MCM5: variants seen among roughly 807,000 people sequenced by gnomAD.
MCM5 encodes minichromosome maintenance complex component 5.
MCM5 carries 46 observed loss-of-function variants against 79.9 expected under a neutral mutation model. The ratio of observed to expected loss-of-function variants is 0.58; its 90% CI spans 0.45 to 0.74. The LOEUF is 0.74. Ranked by LOEUF, MCM5 falls within the 30% of genes least tolerant of loss-of-function variation. The probability of loss-of-function intolerance (pLI) is 0.00; values close to 1 mark genes in which losing one functional copy is unlikely to be tolerated. For missense variants in MCM5, 883 were observed against 1,017.0 expected (o/e 0.87, Z 1.79); for synonymous variants, 404 against 390.5 (o/e 1.03, Z -0.41).
chr22:35,434,271 G>A, the MCM5 span, among the ~76,000 whole-genome samples: 1 of 151,520 alleles, frequency 6.6e-6, no homozygotes, highest in South Asian at 2.1e-4. Flanking sequence ...AAAAAAAAAA[G>A]CCCTTTTTTT....
chr22:35,432,375 G>A, the MCM5 span, among the ~76,000 whole-genome samples: 4 of 152,132 alleles, frequency 2.6e-5, no homozygotes, highest in Non-Finnish European at 5.9e-5. Flanking sequence ...GGGGTCTAGC[G>A]GGGAGTACAG....
chr22:35,453,551 C>A, the MCM5 span, among the ~76,000 whole-genome samples: 1 of 110,100 alleles, frequency 9.1e-6, no homozygotes, highest in African/African-American at 3.3e-5. Context: ...AGAGACAAGG[C>A]AGAGGAGAGA....
intron 9 of MCM5, 138 bp from the exon 10 acceptor site, chr22:35,415,691 C>A: frequency 1.1e-6 from 1 of 937,670 alleles, no homozygotes; most frequent in Non-Finnish European, 1.6e-6. Context: ...GAGTTGGAGC[C>A]TTGAGTCCTA....
chr22:35,439,716 C>T, the MCM5 span, among the ~76,000 whole-genome samples: 1 of 152,198 alleles, frequency 6.6e-6, no homozygotes, highest in Non-Finnish European at 1.5e-5. Context: ...GTCTTATGTT[C>T]TAATGCTTCC....
chr22:35,423,108 C>T, intron 15 of MCM5, 106 bp from the exon 16 acceptor site: 1 of 1,309,106 alleles, frequency 7.6e-7, no homozygotes, highest in Non-Finnish European at 1.0e-6. Context: ...CTGACTTACT[C>T]TTCGGGGCCT....
At chr22:35,449,898 C>T in the MCM5 span, among the ~76,000 whole-genome samples, 1 of 152,178 alleles carries the variant, frequency 6.6e-6, no homozygotes, top group Non-Finnish European at 1.5e-5. Flanking sequence ...CCTCCTGCCT[C>T]AGCCACTGGA....
chr22:35,454,865 G>C, the MCM5 span, among the ~76,000 whole-genome samples: 4,835 of 152,066 alleles, frequency 0.032, 186 homozygotes, highest in East Asian at 0.1. Flanking sequence ...TAGCACCCCT[G>C]GTCTCCACCC....
downstream of MCM5, chr22:35,425,580 C>T (rs554305619): frequency 6.6e-6 from 1 of 152,184 alleles, no homozygotes; most frequent in African/African-American, 2.4e-5. Flanking sequence ...GTTCAAAGCT[C>T]ATTTCTTTTC....
In MCM5 at chr22:35,423,360, G is replaced by A. The variant is rs762501605; in HGVS notation, c.2103+19G>A. The A allele has an allele frequency of 6.3e-7, 1 of 1,580,576 alleles. No homozygotes were observed. Among genetic ancestry groups the A allele is most frequent in the Non-Finnish European group, 8.6e-7 (1 of 1,157,684 alleles). On this transcript the variant is annotated intron_variant, in intron 16 of 16. Transcript: ENST00000216122. Reference sequence around the variant, plus strand: ...CAAGCAGGTGAGCCTGCCTTGGAGTGGGGGTGTGAGCCGGCACGGGGTGCA... The same window carrying A: ...CAAGCAGGTGAGCCTGCCTTGGAGTAGGGGTGTGAGCCGGCACGGGGTGCA...
At chr22:35,450,023 A>G in the MCM5 span, among the ~76,000 whole-genome samples, 6 of 152,174 alleles carry the variant, frequency 3.9e-5, no homozygotes, top group East Asian at 5.8e-4. Flanking sequence ...GCCTCAAGCA[A>G]TCCTCCTGCC....
Position 35,406,576 on chromosome 22 carries a change from G to A in MCM5, c.447G>A (p.Val149=), listed in dbSNP as rs774621747. 1.2e-5 allele frequency: 19 copies of A among 1,613,688 alleles called. No individual in the cohort carries two copies. In the South Asian group the frequency reaches 2.1e-4, roughly 18 times the overall value. ...SLKSDMMSHL[V]KIPGIIIAAS... Reference sequence around the variant, plus strand: ...AGTCGGACATGATGTCACACCTGGTGAAGATCCCTGGCATCATCATCGCGG... The same window carrying A: ...AGTCGGACATGATGTCACACCTGGTAAAGATCCCTGGCATCATCATCGCGG... Residue 149 remains valine (V), a synonymous_variant, in exon 5 of 17, where the codon GTG becomes GTA. Transcript: ENST00000216122.
intron 5 of MCM5, among the ~76,000 whole-genome samples, chr22:35,407,870 T>A (rs556294775): frequency 1.3e-5 from 2 of 152,376 alleles, no homozygotes; most frequent in East Asian, 3.9e-4. Context: ...AGGGACCTTT[T>A]TGTTCAGTGC....
rs866510576 is a variant in MCM5, at chr22:35,419,955, G to A, written c.1775G>A (p.Gly592Glu). ...AACCGCTACATCATCATGCGGAGCGGGGCCCGTCAGCACGAGAGGGACAGT... is the reference window on the plus strand; with the variant it reads ...AACCGCTACATCATCATGCGGAGCGAGGCCCGTCAGCACGAGAGGGACAGT... ...LKNRYIIMRSGARQHERDSDR... is the reference protein window; with the variant it reads ...LKNRYIIMRSEARQHERDSDR... The change falls in exon 14 of 17, where the codon GGG becomes GAG. Residue 592 changes from glycine to glutamate, a missense_variant. Physicochemically the swap from Gly to Glu is moderately conservative, Grantham distance 98. This residue lies in a region of MCM5 where 426 missense variants were observed against 482.3 expected (regional missense o/e 0.88). Transcript: ENST00000216122. 1.9e-6 allele frequency: 3 copies of A among 1,613,310 alleles called. No individual in the cohort carries two copies. Among genetic ancestry groups the A allele is most frequent in the Middle Eastern group, 1.6e-4 (1 of 6,062 alleles).
the MCM5 span, among the ~76,000 whole-genome samples, chr22:35,442,884 G>A: frequency 6.6e-6 from 1 of 152,170 alleles, no homozygotes; most frequent in African/African-American, 2.4e-5. Flanking sequence ...TTCCCATTGG[G>A]TTTGCCATGG....
chr22:35,401,868 A>G (rs1932064636), intron 2 of MCM5: 1 of 373,280 alleles, frequency 2.7e-6, no homozygotes, highest in Non-Finnish European at 5.3e-6. Flanking sequence ...GGGACCTTTG[A>G]GCTAAGGTCA....
intron 5 of MCM5, 51 bp from the exon 6 acceptor site, chr22:35,408,357 C>T (rs888628470): frequency 6.4e-7 from 1 of 1,563,484 alleles, no homozygotes; most frequent in African/African-American, 1.4e-5. Context: ...TGAGCCCTGC[C>T]TTTGGATTCT....
chr22:35,406,500 A>G (rs146956918), intron 4 of MCM5, 53 bp from the exon 5 acceptor site: 2 of 1,541,198 alleles, frequency 1.3e-6, no homozygotes, highest in African/African-American at 2.7e-5. Context: ...GGCATATCTC[A>G]GATGCGTCCT....
the MCM5 span, among the ~76,000 whole-genome samples, chr22:35,441,794 G>T: frequency 2.0e-5 from 3 of 152,124 alleles, no homozygotes; most frequent in Admixed American, 2.0e-4. Context: ...GGTGTCCCAG[G>T]CCAGGGAAGG....
chr22:35,444,707 G>A, the MCM5 span, among the ~76,000 whole-genome samples: 1 of 152,242 alleles, frequency 6.6e-6, no homozygotes, highest in Admixed American at 6.5e-5. Context: ...GCAGTGATAA[G>A]CATCATCATC....
Sources: gnomAD v4.1 joint callset for allele counts (sites outside exome capture counted in the v4.1 genomes callset) on GRCh38, gnomAD v4.1.1 for gene constraint, gnomAD v4.1.1 regional missense constraint, MANE v1.5 for transcripts, NCBI Gene and HGNC (gene_info 2026-07-23, HGNC 2026-07-21) for gene names.